FGF14: variants seen among roughly 807,000 people sequenced by gnomAD.
FGF14 encodes the protein fibroblast growth factor homologous factor 4.
FGF14 carries 5 observed loss-of-function variants against 25.5 expected under a neutral mutation model. That is an observed-to-expected ratio of 0.20 (90% CI 0.10 to 0.41). FGF14 has a LOEUF of 0.41. FGF14 is among the 10% of genes least tolerant of loss of function. The probability of loss-of-function intolerance (pLI) is 1.00; values close to 1 mark genes in which losing one functional copy is unlikely to be tolerated. For synonymous variants in FGF14, 138 were observed against 118.3 expected (o/e 1.17, Z -1.08); for missense variants, 222 against 320.1 (o/e 0.69, Z 2.34).
At chr13:101,828,637 C>T (rs146530596) in intron 3 of FGF14, among the ~76,000 whole-genome samples, 1 of 152,078 alleles carries the variant, frequency 6.6e-6, no homozygotes, top group African/African-American at 2.4e-5. Flanking sequence ...ACGGCTAGCA[C>T]TGATGTTTAG....
chr13:101,912,686 C>G (rs550426442), intron 1 of FGF14, among the ~76,000 whole-genome samples: 1 of 151,858 alleles, frequency 6.6e-6, no homozygotes, highest in African/African-American at 2.4e-5. Context: ...ATAAATAACC[C>G]ACAAATATGT....
chr13:102,018,877 T>A (rs545190632), intron 1 of FGF14, among the ~76,000 whole-genome samples: 1 of 152,268 alleles, frequency 6.6e-6, no homozygotes, highest in Admixed American at 6.5e-5. Context: ...CAGATAACAT[T>A]CCAGACCTGC....
intron 3 of FGF14, among the ~76,000 whole-genome samples, chr13:101,792,257 T>G (rs769286905): frequency 1.3e-5 from 2 of 152,078 alleles, no homozygotes; most frequent in Non-Finnish European, 2.9e-5. Flanking sequence ...ATCCTTAGAT[T>G]TGAGGAAAAG....
chr13:102,219,638 T>C (rs2050522738), intron 1 of FGF14, among the ~76,000 whole-genome samples: 1 of 152,164 alleles, frequency 6.6e-6, no homozygotes, highest in Non-Finnish European at 1.5e-5. Flanking sequence ...TTTGGTGGGG[T>C]TCAGCTGTTG....
chr13:101,808,402 CATTA>C (rs1484689258), intron 3 of FGF14, among the ~76,000 whole-genome samples: 9 of 152,032 alleles, frequency 5.9e-5, no homozygotes, highest in East Asian at 1.9e-4. Context: ...ATGAAATGTG[CATTA>C]ATTAATTTCA....
At chr13:101,823,903 T>C (rs969424906) in intron 3 of FGF14, among the ~76,000 whole-genome samples, 12 of 103,576 alleles carry the variant, frequency 1.2e-4, no homozygotes, top group Non-Finnish European at 2.4e-4. Context: ...GCATTGTTAC[T>C]GTTATTTTTC....
At chr13:101,987,512 T>C (rs925494695) in intron 1 of FGF14, among the ~76,000 whole-genome samples, 7 of 152,296 alleles carry the variant, frequency 4.6e-5, no homozygotes, top group South Asian at 4.1e-4. Flanking sequence ...TTCTAAAACA[T>C]AGCAAGTTTT....
intron 1 of FGF14, among the ~76,000 whole-genome samples, chr13:101,968,667 C>T (rs1259246803): frequency 6.3e-5 from 6 of 95,178 alleles, no homozygotes; most frequent in Middle Eastern, 5.7e-3. Flanking sequence ...AGCGAGACTC[C>T]GTCTCCAAAA....
intron 3 of FGF14, among the ~76,000 whole-genome samples, chr13:101,758,623 C>T (rs2037808180): frequency 6.6e-6 from 1 of 152,190 alleles, no homozygotes; most frequent in Non-Finnish European, 1.5e-5. Flanking sequence ...GCTTGCTTGG[C>T]ACCCAGAAAT....
chr13:101,902,698 C>T (rs919849852), intron 1 of FGF14, among the ~76,000 whole-genome samples: 1 of 152,178 alleles, frequency 6.6e-6, no homozygotes, highest in African/African-American at 2.4e-5. Context: ...TAATTATTTT[C>T]TTCACTTGCA....
chr13:102,209,207 G>C (rs966237841), intron 1 of FGF14, among the ~76,000 whole-genome samples: 13 of 152,178 alleles, frequency 8.5e-5, no homozygotes, highest in African/African-American at 3.1e-4. Flanking sequence ...TGGGTATGAG[G>C]TTCCTTATCT....
At chr13:101,843,290 G>A (rs924906881) in intron 3 of FGF14, among the ~76,000 whole-genome samples, 1 of 151,994 alleles carries the variant, frequency 6.6e-6, no homozygotes, top group African/African-American at 2.4e-5. Flanking sequence ...AGAAGTAGGA[G>A]ACATGCATTT....
At chr13:101,993,420 T>C (rs2039010998) in intron 1 of FGF14, among the ~76,000 whole-genome samples, 1 of 151,968 alleles carries the variant, frequency 6.6e-6, no homozygotes, top group Admixed American at 6.6e-5. Flanking sequence ...AGAAAGAGCA[T>C]TAGATAATAA....
At chr13:102,004,078 G>C (rs2039653262) in intron 1 of FGF14, among the ~76,000 whole-genome samples, 1 of 152,052 alleles carries the variant, frequency 6.6e-6, no homozygotes. Flanking sequence ...ATTTCATCAG[G>C]GAGCTTGTAT....
At chr13:102,043,670 A>G (rs1428222937) in intron 1 of FGF14, among the ~76,000 whole-genome samples, 2 of 152,210 alleles carry the variant, frequency 1.3e-5, no homozygotes, top group African/African-American at 2.4e-5. Context: ...GTAAAAGCAA[A>G]TATCTGACCG....
chr13:101,830,782 T>C (rs74635257), intron 3 of FGF14, among the ~76,000 whole-genome samples: 5,872 of 152,180 alleles, frequency 0.039, 370 homozygotes, highest in African/African-American at 0.13. Context: ...CTGGCTAAAA[T>C]CAAGGTGTTG....
intron 1 of FGF14, among the ~76,000 whole-genome samples, chr13:102,298,113 A>G (rs550418383): frequency 4.4e-4 from 67 of 152,274 alleles, no homozygotes; most frequent in African/African-American, 1.5e-3. Context: ...GGTAGAGGCA[A>G]ATGTCTAAGA....
intron 1 of FGF14, among the ~76,000 whole-genome samples, chr13:102,195,554 AAG>A: frequency 6.6e-6 from 1 of 151,362 alleles, no homozygotes; most frequent in South Asian, 2.1e-4. Flanking sequence ...TTTAGCATAA[AAG>A]AAGAAAATAA....
chr13:101,873,546 A>G (rs2045228178), intron 2 of FGF14, among the ~76,000 whole-genome samples: 1 of 152,136 alleles, frequency 6.6e-6, no homozygotes, highest in African/African-American at 2.4e-5. Context: ...ATGAGAGAAC[A>G]CTGAAGACAT....
Sources: gnomAD v4.1 joint callset for allele counts (sites outside exome capture counted in the v4.1 genomes callset) on GRCh38, gnomAD v4.1.1 for gene constraint, MANE v1.5 for transcripts, NCBI Gene and HGNC (gene_info 2026-07-23, HGNC 2026-07-21) for gene names.